STK3: variants seen among roughly 807,000 people sequenced by gnomAD.
The protein encoded by STK3 is serine/threonine-protein kinase 3.
STK3 carries 41 observed loss-of-function variants against 58.0 expected under a neutral mutation model. The observed-to-expected ratio is 0.71, with a 90% CI of 0.55 to 0.92. STK3 has a LOEUF of 0.92. Ranked by LOEUF, STK3 falls within the 40% of genes least tolerant of loss-of-function variation. The pLI is 0.00. For synonymous variants in STK3, 170 were observed against 191.0 expected (o/e 0.89, Z 0.91); for missense variants, 479 against 602.7 (o/e 0.79, Z 2.15).
intron 10 of STK3, among the ~76,000 whole-genome samples, chr8:98,513,685 C>T (rs190406718): frequency 3.9e-5 from 6 of 152,152 alleles, no homozygotes; most frequent in South Asian, 2.1e-4. Context: ...CTGGGTGGGG[C>T]GGGGGAGAAG....
chr8:98,815,747 G>A (rs1031686739), intron 1 of STK3, among the ~76,000 whole-genome samples: 1 of 152,178 alleles, frequency 6.6e-6, no homozygotes, highest in African/African-American at 2.4e-5. Flanking sequence ...TAAATAAAAG[G>A]AAAGAATCAA....
intron 1 of STK3, among the ~76,000 whole-genome samples, chr8:98,923,922 C>T (rs571122257): frequency 3.4e-5 from 5 of 147,374 alleles, no homozygotes; most frequent in Non-Finnish European, 4.5e-5. Flanking sequence ...AATAGTTTTA[C>T]GTTGAGCCAG....
Position 98,905,148 on chromosome 8 carries a change from G to A in STK3, c.-78-21314C>T, listed in dbSNP as rs548593391. On this transcript the variant is annotated intron_variant, in intron 1 of 1. Transcript: ENST00000519420. ...CGTACGATCTACTGGGCACTCTTTG[G>A]ACCAGTGACCTTCTTTCTTACACTG... 499 of 1,401,508 alleles carry A rather than the reference G, an allele frequency of 3.6e-4. 1 individual carries two copies. Among genetic ancestry groups the A allele is most frequent in the Middle Eastern group, 1.5e-3 (8 of 5,472 alleles). 86.8% of individuals were successfully genotyped at this position (1,401,508 alleles called of 1,614,324 possible).
chr8:98,558,779 G>A lies in STK3; in HGVS notation c.949-10618C>T, dbSNP rs535044796. Among the ~76,000 whole-genome samples the A allele has an allele frequency of 2.0e-5, 3 of 151,350 alleles. No homozygotes were observed. The East Asian group carries it at 5.8e-4, about 29-fold the overall frequency. On this transcript the variant is annotated intron_variant, in intron 8 of 10. Transcript: ENST00000419617. ...TTGTTGTTGTTCTTTTTGGTTTGTT[G>A]GTAGTAAACAGAAATTTTAATACAT...
chr8:98,409,024 C>T (rs376374428), intron 3 of STK3, among the ~76,000 whole-genome samples: 13 of 152,284 alleles, frequency 8.5e-5, no homozygotes, highest in African/African-American at 2.6e-4. Flanking sequence ...CCCATGAACA[C>T]CCTGACCTCG....
At chr8:98,791,581 C>G (rs1463441033) in intron 1 of STK3, among the ~76,000 whole-genome samples, 1 of 152,176 alleles carries the variant, frequency 6.6e-6, no homozygotes, top group East Asian at 1.9e-4. Context: ...TACTCTAAGG[C>G]CACAGTCACC....
At chr8:98,531,238 T>C (rs565164139) in intron 9 of STK3, among the ~76,000 whole-genome samples, 1 of 152,352 alleles carries the variant, frequency 6.6e-6, no homozygotes, top group African/African-American at 2.4e-5. Flanking sequence ...AAAATGTATT[T>C]CTTAATAATA....
chr8:98,915,207 T>G (rs1385246672), intron 1 of STK3, among the ~76,000 whole-genome samples: 1 of 151,738 alleles, frequency 6.6e-6, no homozygotes, highest in Admixed American at 6.6e-5. Context: ...TTAATCTGGG[T>G]GGACACAATC....
At chr8:98,480,493 G>A (rs781308214) in intron 10 of STK3, among the ~76,000 whole-genome samples, 7 of 152,086 alleles carry the variant, frequency 4.6e-5, no homozygotes, top group African/African-American at 1.7e-4. Flanking sequence ...AATGATTATC[G>A]TACTAATATT....
chr8:98,355,508 T>C, the STK3 span, among the ~76,000 whole-genome samples: 1 of 152,228 alleles, frequency 6.6e-6, no homozygotes, highest in East Asian at 1.9e-4. Flanking sequence ...GTGTAGTACC[T>C]ACATGATAGC....
intron 3 of STK3, among the ~76,000 whole-genome samples, chr8:98,420,355 C>A (rs750864341): frequency 6.6e-6 from 1 of 152,166 alleles, no homozygotes; most frequent in Non-Finnish European, 1.5e-5. Flanking sequence ...GGCCCTAAAG[C>A]ACAAGAGTGG....
At chr8:98,409,912 T>C (rs1259800234) in intron 3 of STK3, among the ~76,000 whole-genome samples, 1 of 152,204 alleles carries the variant, frequency 6.6e-6, no homozygotes, top group Non-Finnish European at 1.5e-5. Context: ...GAGAGTGCCA[T>C]GTGCCCAGAA....
chr8:98,536,811 T>G (rs962422953), intron 9 of STK3, among the ~76,000 whole-genome samples: 1 of 152,232 alleles, frequency 6.6e-6, no homozygotes, highest in African/African-American at 2.4e-5. Context: ...TATTCCCAAA[T>G]GGAGGATGTA....
downstream of STK3, among the ~76,000 whole-genome samples, chr8:98,397,026 T>G (rs1436785551): frequency 6.6e-6 from 1 of 152,228 alleles, no homozygotes; most frequent in East Asian, 1.9e-4. Context: ...TTACACTAAT[T>G]ACCGAAGGTC....
intron 4 of STK3, among the ~76,000 whole-genome samples, chr8:98,741,669 C>T (rs1278747303): frequency 6.6e-6 from 1 of 152,108 alleles, no homozygotes; most frequent in East Asian, 1.9e-4. Context: ...GACACCCTAA[C>T]ATCACAATTA....
At chr8:98,399,758 G>A (rs1400183833), downstream of STK3, among the ~76,000 whole-genome samples, 3 of 152,222 alleles carry the variant, frequency 2.0e-5, no homozygotes, top group Non-Finnish European at 4.4e-5. Context: ...GCCAGAGCAA[G>A]AACTGGCCAC....
At chr8:98,392,452 C>G (rs1186410636), upstream of STK3, among the ~76,000 whole-genome samples, 1 of 152,196 alleles carries the variant, frequency 6.6e-6, no homozygotes, top group Non-Finnish European at 1.5e-5. Flanking sequence ...CTGGGCTCCC[C>G]TCCCACCGAA....
At position 98,447,534 on chromosome 8, in the gene STK3, G is replaced by A. The variant is rs147084611; in HGVS notation, n.186-10326C>T. The stretch of plus-strand genomic sequence containing the variant: ...AATATTGCATGTATTTGTATATATC[G>A]TATTGCATATATACTATATATATAT... On this transcript the variant is annotated intron_variant and non_coding_transcript_variant, in intron 1 of 3. Coordinates refer to the STK3 transcript ENST00000517832. 4.0e-4 allele frequency among the ~76,000 whole-genome samples: 58 copies of A among 146,708 alleles called. 1 individual carries two copies. Among genetic ancestry groups the A allele is most frequent in the Middle Eastern group, 3.6e-3 (1 of 276 alleles).
chr8:98,351,661 C>T, the STK3 span, among the ~76,000 whole-genome samples: 3 of 152,004 alleles, frequency 2.0e-5, no homozygotes, highest in Non-Finnish European at 4.4e-5. Flanking sequence ...CTCTGCAACC[C>T]CCACCTCCAT....
Sources: allele counts gnomAD v4.1 joint callset (sites outside exome capture counted in the v4.1 genomes callset), GRCh38; gene constraint gnomAD v4.1.1; transcripts MANE v1.5; gene names NCBI Gene and HGNC (gene_info 2026-07-23, HGNC 2026-07-21).